ZNF226: variants seen among roughly 807,000 people sequenced by gnomAD.
ZNF226 encodes zinc finger protein 226, also known as Kruppel-associated box protein.
ZNF226 carries 6 observed loss-of-function variants against 11.4 expected under a neutral mutation model. That is an observed-to-expected ratio of 0.53 (90% CI 0.29 to 1.04). The LOEUF (loss-of-function observed/expected upper bound fraction) is 1.04, where lower values mean the gene tolerates loss of function less well. ZNF226 is among the 50% of genes least tolerant of loss of function. ZNF226 has a pLI of 0.08. For missense variants in ZNF226, 1,058 were observed against 956.5 expected (o/e 1.11, Z -1.40); for synonymous variants, 350 against 322.8 (o/e 1.08, Z -0.90).
chr19:44,179,041 G>A (rs151129373), downstream of ZNF226, among the ~76,000 whole-genome samples: 492 of 152,256 alleles, frequency 3.2e-3, no homozygotes, highest in Non-Finnish European at 5.0e-3. Context: ...GTAGCTGGGC[G>A]TGGTGGTGCG....
At chr19:44,174,669 A>G in intron 5 of ZNF226, 1 of 209,716 alleles carries the variant, frequency 4.8e-6, no homozygotes, top group East Asian at 1.0e-4. Flanking sequence ...TATTAAATTT[A>G]TTTCACAATT....
At chr19:44,194,407 C>T in the ZNF226 span, among the ~76,000 whole-genome samples, 1 of 152,032 alleles carries the variant, frequency 6.6e-6, no homozygotes, top group Non-Finnish European at 1.5e-5. Flanking sequence ...TCCTGAGTAG[C>T]TGGGGAGACA....
At chr19:44,190,780 T>C in the ZNF226 span, among the ~76,000 whole-genome samples, 5 of 152,198 alleles carry the variant, frequency 3.3e-5, no homozygotes, top group African/African-American at 1.2e-4. Context: ...TGTATCATGT[T>C]ACAAGGAGGT....
At chr19:44,165,243 G>C (rs1231284230) in intron 1 of ZNF226, 101 bp downstream of exon 1, 2 of 152,176 alleles carry the variant, frequency 1.3e-5, no homozygotes, top group Non-Finnish European at 2.9e-5. Flanking sequence ...GGCTAAGAGC[G>C]GAGGTTTGAG....
chr19:44,185,134 T>C, the ZNF226 span, among the ~76,000 whole-genome samples: 1 of 152,274 alleles, frequency 6.6e-6, no homozygotes, highest in Non-Finnish European at 1.5e-5. Context: ...TTGCATTGTC[T>C]GTGTACAGCA....
chr19:44,177,162 CAG>C lies in ZNF226; in HGVS notation c.1905_1906del (p.Arg635SerfsTer11), dbSNP rs1158775851. Reference protein sequence around the residue: ...FRQASNLLAHQRVHSGEKPFK... With the variant: ...FRQASNLLAHXRVHSGEKPFK... ...GCAGGCCTCAAATCTTTTGGCCCAT[CAG>C]AGAGTCCACAGTGGAGAAAAACCAT... On this transcript the variant is annotated frameshift_variant, in exon 6 of 6. Coordinates refer to ENST00000337433, the MANE Select transcript of ZNF226 (RefSeq NM_001032373.2). LOFTEE classifies it low-confidence loss of function (END_TRUNC). The C allele has an allele frequency of 1.2e-6, 2 of 1,613,916 alleles. No individual in the cohort carries two copies. Among genetic ancestry groups the C allele is most frequent in the Non-Finnish European group, 1.7e-6 (2 of 1,179,974 alleles).
In ZNF226 at chr19:44,170,012, T is replaced by A. The variant is rs1055025913; in HGVS notation, c.-46-23T>A. Reference sequence around the variant, plus strand: ...TAGCAACATACTTACCCAGTTTTGATTTATTTCTCTCTTCTTTCCTAGTTC... The same window carrying A: ...TAGCAACATACTTACCCAGTTTTGAATTATTTCTCTCTTCTTTCCTAGTTC... On this transcript the variant is annotated intron_variant, in intron 2 of 5. Transcript: ENST00000337433. 19 of 1,541,146 alleles carry A rather than the reference T, an allele frequency of 1.2e-5. No individual in the cohort carries two copies. The Admixed American group carries it at 2.5e-4, about 20-fold the overall frequency.
At chr19:44,174,898 A>G (rs774280375) in intron 5 of ZNF226, 30 of 1,281,380 alleles carry the variant, frequency 2.3e-5, no homozygotes, top group Middle Eastern at 3.8e-4. Context: ...CTCTTCAGCA[A>G]TAACTCACTT....
intron 4 of ZNF226, 98 bp downstream of exon 4, chr19:44,172,312 C>G: frequency 6.8e-7 from 1 of 1,480,774 alleles, no homozygotes. Context: ...TCTGACTTTC[C>G]TAATTTTTGT....
the ZNF226 span, among the ~76,000 whole-genome samples, chr19:44,198,125 T>C: frequency 6.0e-4 from 92 of 152,340 alleles, no homozygotes; most frequent in African/African-American, 2.2e-3. Context: ...TGACTAGATA[T>C]ATGTAAATCT....
chr19:44,192,968 A>AT, the ZNF226 span, among the ~76,000 whole-genome samples: 1 of 152,098 alleles, frequency 6.6e-6, no homozygotes, highest in African/African-American at 2.4e-5. Context: ...TTAAACACAA[A>AT]TTTTTTCCAT....
At chr19:44,175,360 A>G (rs1970579191) in intron 5 of ZNF226, 138 bp from the exon 6 acceptor site, 4 of 1,424,358 alleles carry the variant, frequency 2.8e-6, no homozygotes, top group Admixed American at 3.3e-5. Flanking sequence ...TATGTAAACC[A>G]GAAACTTCAA....
At chr19:44,173,271 C>T (rs1266865963) in intron 5 of ZNF226, 1 of 430,750 alleles carries the variant, frequency 2.3e-6, no homozygotes, top group Admixed American at 4.1e-5. Context: ...CCCCCACTAC[C>T]TCTCTAAATA....
chr19:44,196,453 C>T, the ZNF226 span, among the ~76,000 whole-genome samples: 317 of 152,240 alleles, frequency 2.1e-3, no homozygotes, highest in African/African-American at 6.9e-3. Flanking sequence ...AAAGTATGGA[C>T]TAACACTGGA....
At chr19:44,193,444 CT>C in the ZNF226 span, among the ~76,000 whole-genome samples, 21,156 of 149,740 alleles carry the variant, frequency 0.14, 3,732 homozygotes, top group African/African-American at 0.41. Context: ...TATTGCTAAT[CT>C]TTTTTTTTTC....
At position 44,176,785 on chromosome 19, in the gene ZNF226, G is replaced by T; in HGVS notation, c.1523G>T (p.Cys508Phe). ...TGEKPYKCNE[C>F]GKSFRRNSHY... Reference sequence around the variant, plus strand: ...GAGAAGCCATACAAATGCAATGAGTGTGGGAAGAGCTTCAGGAGGAATTCC... The same window carrying T: ...GAGAAGCCATACAAATGCAATGAGTTTGGGAAGAGCTTCAGGAGGAATTCC... The change falls in exon 6 of 6, where the codon TGT becomes TTT. Residue 508 changes from cysteine (C) to phenylalanine (F), a missense_variant. Transcript: ENST00000337433. 6.2e-7 allele frequency: 1 copy of T among 1,614,072 alleles called. No individual in the cohort carries two copies. The highest frequency in any genetic ancestry group is 8.5e-7 in the Non-Finnish European group (1 of 1,180,020).
chr19:44,169,922 A>G, intron 2 of ZNF226, 113 bp from the exon 3 acceptor site: 1 of 581,754 alleles, frequency 1.7e-6, no homozygotes, highest in Non-Finnish European at 2.9e-6. Context: ...TAAAAGCCAC[A>G]TAAAGCTGCA....
At chr19:44,194,004 C>T in the ZNF226 span, among the ~76,000 whole-genome samples, 1 of 152,206 alleles carries the variant, frequency 6.6e-6, no homozygotes, top group African/African-American at 2.4e-5. Flanking sequence ...TTGTCAAAAG[C>T]ATTGACCAAG....
intron 2 of ZNF226, among the ~76,000 whole-genome samples, chr19:44,168,574 T>G (rs967487312): frequency 6.6e-6 from 1 of 152,230 alleles, no homozygotes; most frequent in African/African-American, 2.4e-5. Context: ...TCTAGAGTAT[T>G]GAGAAATTAT....
Sources: gnomAD v4.1 joint callset for allele counts (sites outside exome capture counted in the v4.1 genomes callset) on GRCh38, gnomAD v4.1.1 for gene constraint, MANE v1.5 for transcripts, NCBI Gene and HGNC (gene_info 2026-07-23, HGNC 2026-07-21) for gene names.